YTHDF3: variants seen among roughly 807,000 people sequenced by gnomAD.
YTHDF3 encodes YTH N6-methyladenosine RNA binding protein F3, also known as YTH domain-containing family protein 3.
In YTHDF3, 9 loss-of-function variants were observed where a neutral mutation model predicts 52.5. The observed-to-expected ratio is 0.17, with a 90% CI of 0.10 to 0.30. The LOEUF (loss-of-function observed/expected upper bound fraction) is 0.30, where lower values mean the gene tolerates loss of function less well. YTHDF3 is among the 10% of genes least tolerant of loss of function. The probability of loss-of-function intolerance (pLI) is 1.00; values close to 1 mark genes in which losing one functional copy is unlikely to be tolerated. For synonymous variants in YTHDF3, 274 were observed against 243.3 expected, an observed-to-expected ratio of 1.13 and a Z score of -1.18; for missense variants, 534 against 715.0, an observed-to-expected ratio of 0.75 and a Z score of 2.89.
intron 2 of YTHDF3, chr8:63,172,688 C>G: frequency 9.6e-7 from 1 of 1,038,730 alleles, no homozygotes; most frequent in Non-Finnish European, 1.2e-6. Flanking sequence ...GTTGACTTTC[C>G]TAACTTGATG....
At chr8:63,169,294 A>C (rs1181202199) in intron 1 of YTHDF3, 93 bp from the exon 2 acceptor site, 30 of 1,498,726 alleles carry the variant, frequency 2.0e-5, no homozygotes, top group African/African-American at 2.8e-5. Context: ...GGATAGTCTA[A>C]AATAACTTGT....
At position 63,210,765 on chromosome 8, in the gene YTHDF3, TGATCA is replaced by T. The variant is rs1789353432; in HGVS notation, c.*1064_*1068del. ...CTAAGTGAATGTGTTGATGTTTTAT[TGATCA>T]GATCTATATAAGTGGGAATACAGCA... On this transcript the variant is annotated 3_prime_UTR_variant, in exon 5 of 5. Coordinates refer to ENST00000539294, the MANE Select transcript of YTHDF3 (RefSeq NM_152758.6). The T allele has an allele frequency of 6.6e-6, 1 of 152,614 alleles. No homozygotes were observed. The highest frequency in any genetic ancestry group is 1.5e-5 in the Non-Finnish European group (1 of 67,988). 9.5% of individuals were successfully genotyped at this position (152,614 alleles called of 1,614,324 possible). A position where few individuals can be genotyped will look rare whatever the true frequency, so the allele number is the denominator to read the frequency against.
intron 3 of YTHDF3, among the ~76,000 whole-genome samples, chr8:63,181,569 C>T (rs1241309059): frequency 6.6e-6 from 1 of 152,206 alleles, no homozygotes; most frequent in East Asian, 1.9e-4. Flanking sequence ...CGTGTACACA[C>T]ACCTATGGCA....
intron 2 of YTHDF3, 187 bp downstream of exon 2, chr8:63,169,598 C>G (rs1807147496): frequency 6.3e-6 from 4 of 631,602 alleles, no homozygotes; most frequent in South Asian, 2.1e-5. Flanking sequence ...TTTGAAGCCA[C>G]TTTATAGAAA....
At chr8:63,190,533 C>A (rs1402484693) in intron 4 of YTHDF3, among the ~76,000 whole-genome samples, 1 of 152,158 alleles carries the variant, frequency 6.6e-6, no homozygotes, top group South Asian at 2.1e-4. Flanking sequence ...CGCCTCCTTA[C>A]ATATTTTAAG....
At chr8:63,208,256 TAAAA>T (rs1409208211) in intron 4 of YTHDF3, among the ~76,000 whole-genome samples, 1 of 152,120 alleles carries the variant, frequency 6.6e-6, no homozygotes, top group Admixed American at 6.5e-5. Flanking sequence ...TGTATTAAAA[TAAAA>T]AAGAAAGGAC....
Position 63,186,231 on chromosome 8 carries a change from G to A in YTHDF3, c.220G>A (p.Ala74Thr). Residue 74 changes from alanine (A) to threonine (T), a missense_variant, in exon 4 of 5, where the codon GCA becomes ACA. This residue lies in a region of YTHDF3 where 196 missense variants were observed against 299.5 expected (regional missense o/e 0.65). Coordinates refer to ENST00000539294, the MANE Select transcript of YTHDF3 (RefSeq NM_152758.6). ...TGGATTTCCATATTCTCTTGGGGAA[G>A]CAGCGTGGTCCACAGCTGGAGACCA... ...SIGFPYSLGE[A>T]AWSTAGDQPM... 1 of 1,614,014 alleles carries A rather than the reference G, an allele frequency of 6.2e-7. No homozygotes were observed. Among genetic ancestry groups the A allele is most frequent in the Middle Eastern group, 1.6e-4 (1 of 6,062 alleles).
chr8:63,184,713 A>G (rs1036051940), intron 3 of YTHDF3, among the ~76,000 whole-genome samples: 4 of 152,224 alleles, frequency 2.6e-5, no homozygotes, highest in African/African-American at 4.8e-5. Flanking sequence ...CTTTACTCCA[A>G]AGAACTTTGA....
intron 2 of YTHDF3, among the ~76,000 whole-genome samples, chr8:63,172,031 G>T (rs1437752784): frequency 6.6e-6 from 1 of 152,136 alleles, no homozygotes; most frequent in African/African-American, 2.4e-5. Flanking sequence ...TGTAGAATAA[G>T]TAATAATTCA....
chr8:63,192,052 A>T (rs1199894893), intron 4 of YTHDF3, among the ~76,000 whole-genome samples: 1 of 152,302 alleles, frequency 6.6e-6, no homozygotes, highest in East Asian at 1.9e-4. Context: ...GAATTTTAAC[A>T]TATGTAGATT....
At chr8:63,180,527 C>T (rs1431831131) in intron 3 of YTHDF3, among the ~76,000 whole-genome samples, 10 of 146,326 alleles carry the variant, frequency 6.8e-5, no homozygotes, top group African/African-American at 7.7e-5. Context: ...ACATCCCAGA[C>T]GATGGGCGGC....
At chr8:63,177,617 A>G (rs1807785347) in intron 3 of YTHDF3, among the ~76,000 whole-genome samples, 1 of 152,186 alleles carries the variant, frequency 6.6e-6, no homozygotes, top group Non-Finnish European at 1.5e-5. Flanking sequence ...GTCCATGTTT[A>G]GATAGATTTG....
chr8:63,209,363 C>T (rs765757276), intron 4 of YTHDF3, among the ~76,000 whole-genome samples: 9 of 151,966 alleles, frequency 5.9e-5, no homozygotes, highest in Non-Finnish European at 1.0e-4. Context: ...TGTTTGACAC[C>T]TCAAGATGAA....
At chr8:63,180,439 C>T (rs1271047173) in intron 3 of YTHDF3, among the ~76,000 whole-genome samples, 2 of 151,442 alleles carry the variant, frequency 1.3e-5, no homozygotes, top group Admixed American at 6.6e-5. Context: ...AGGCGCTCCT[C>T]ACTTCCTAGA....
intron 4 of YTHDF3, among the ~76,000 whole-genome samples, chr8:63,206,107 C>G (rs1329817115): frequency 6.6e-6 from 1 of 152,032 alleles, no homozygotes; most frequent in South Asian, 2.1e-4. Flanking sequence ...GAGTTTCGCT[C>G]TTGTTGTCCA....
intron 4 of YTHDF3, among the ~76,000 whole-genome samples, chr8:63,208,910 C>T (rs1810206154): frequency 6.6e-6 from 1 of 152,112 alleles, no homozygotes; most frequent in South Asian, 2.1e-4. Flanking sequence ...TCTTGTTGCC[C>T]AGCCTGGAGT....
intron 4 of YTHDF3, among the ~76,000 whole-genome samples, chr8:63,189,337 A>G (rs1215717431): frequency 6.6e-6 from 1 of 152,152 alleles, no homozygotes; most frequent in African/African-American, 2.4e-5. Context: ...TGTAACGTAA[A>G]ATTGGGGTCC....
intron 4 of YTHDF3, among the ~76,000 whole-genome samples, chr8:63,208,886 A>C (rs1369299232): frequency 6.6e-6 from 1 of 150,808 alleles, no homozygotes; most frequent in Admixed American, 6.6e-5. Context: ...GTTGTTGTTG[A>C]GATGGAGTTT....
chr8:63,204,170 G>T (rs1340690419), intron 4 of YTHDF3, among the ~76,000 whole-genome samples: 2 of 151,782 alleles, frequency 1.3e-5, no homozygotes, highest in Non-Finnish European at 2.9e-5. Flanking sequence ...TTTTGTCTTG[G>T]ATCTATCCTC....
Sources: allele counts gnomAD v4.1 joint callset (sites outside exome capture counted in the v4.1 genomes callset), GRCh38; gene constraint gnomAD v4.1.1; regional missense constraint gnomAD v4.1.1; transcripts MANE v1.5; gene names NCBI Gene and HGNC (gene_info 2026-07-23, HGNC 2026-07-21).